Variants in GRIK1 observed in about 807,000 individuals in gnomAD.
GRIK1 encodes the protein glutamate ionotropic receptor kainate type subunit 1.
A neutral mutation model predicts 105.7 loss-of-function variants in GRIK1; 69 were observed. The observed-to-expected ratio is 0.65, with a 90% CI of 0.54 to 0.80. GRIK1 has a LOEUF of 0.80. Among genes scored for constraint, GRIK1 ranks in the 30% least tolerant of loss-of-function variants. GRIK1 has a pLI of 0.00. For missense variants in GRIK1, 1,109 were observed against 1,167.3 expected (o/e 0.95, Z 0.73); for synonymous variants, 438 against 431.3 (o/e 1.02, Z -0.19).
rs185780159 is a variant in GRIK1, at chr21:29,782,575, T to C, written c.119-88512A>G. ...TCCACAGGCTTACTCTGATTGATTC[T>C]GTGCCTGCCTGTTACAGGCAGAGAG... On this transcript the variant is annotated intron_variant, in intron 1 of 17. Coordinates refer to ENST00000327783, the MANE Select transcript of GRIK1 (RefSeq NM_001330994.2). Among the ~76,000 whole-genome samples, 213 of 152,338 alleles carry C rather than the reference T, an allele frequency of 1.4e-3. 1 individual carries two copies. Among genetic ancestry groups the C allele is most frequent in the Admixed American group, 0.013 (204 of 15,300 alleles).
chr21:29,609,478 G>C (rs974556699), intron 7 of GRIK1, among the ~76,000 whole-genome samples: 1 of 151,978 alleles, frequency 6.6e-6, no homozygotes, highest in Non-Finnish European at 1.5e-5. Flanking sequence ...CACATTAAAC[G>C]TTGTTTCTGG....
intron 1 of GRIK1, among the ~76,000 whole-genome samples, chr21:29,869,695 T>C (rs2068946093): frequency 1.3e-5 from 2 of 152,208 alleles, no homozygotes; most frequent in African/African-American, 2.4e-5. Flanking sequence ...AAAAGCAGAA[T>C]AGAGTTCTAT....
intron 15 of GRIK1, among the ~76,000 whole-genome samples, chr21:29,560,570 T>TC (rs2090449437): frequency 8.0e-6 from 1 of 124,770 alleles, no homozygotes; most frequent in African/African-American, 4.0e-5. Flanking sequence ...CTTTCTTTCT[T>TC]TCTTTCTCTC....
At chr21:29,646,881 T>C (rs1277301768) in intron 6 of GRIK1, among the ~76,000 whole-genome samples, 2 of 152,016 alleles carry the variant, frequency 1.3e-5, no homozygotes, top group Non-Finnish European at 2.9e-5. Context: ...GTCTTGCTCT[T>C]ATTGCCCAGG....
intron 6 of GRIK1, among the ~76,000 whole-genome samples, chr21:29,649,074 C>T (rs1004783965): frequency 3.3e-5 from 5 of 152,098 alleles, no homozygotes; most frequent in African/African-American, 7.2e-5. Context: ...CCTTTCGTGC[C>T]CTTCAATGCC....
intron 1 of GRIK1, among the ~76,000 whole-genome samples, chr21:29,882,327 G>A (rs2069446166): frequency 6.6e-6 from 1 of 152,020 alleles, no homozygotes; most frequent in South Asian, 2.1e-4. Context: ...CATACTTAAT[G>A]TATTTTTAAA....
intron 1 of GRIK1, among the ~76,000 whole-genome samples, chr21:29,776,931 G>T (rs1368157515): frequency 1.3e-5 from 2 of 152,122 alleles, no homozygotes; most frequent in Admixed American, 6.5e-5. Flanking sequence ...CATAAACTCT[G>T]TCTACCGAGG....
At chr21:29,908,871 T>G (rs1042568229) in intron 1 of GRIK1, among the ~76,000 whole-genome samples, 2 of 152,314 alleles carry the variant, frequency 1.3e-5, no homozygotes, top group East Asian at 1.9e-4. Flanking sequence ...GGTCTGTTCA[T>G]AAATTATTCA....
intron 1 of GRIK1, among the ~76,000 whole-genome samples, chr21:29,860,116 C>T (rs2068590007): frequency 6.6e-6 from 1 of 152,228 alleles, no homozygotes; most frequent in Non-Finnish European, 1.5e-5. Flanking sequence ...AGACTTTTAA[C>T]TTTCACTCTA....
At chr21:29,669,644 G>A (rs1210051613) in intron 4 of GRIK1, among the ~76,000 whole-genome samples, 6 of 152,166 alleles carry the variant, frequency 3.9e-5, no homozygotes, top group Admixed American at 6.5e-5. Flanking sequence ...CTGTCTGAGC[G>A]TCAGTTGCCT....
chr21:29,769,274 C>A (rs989837373), intron 1 of GRIK1, among the ~76,000 whole-genome samples: 1 of 152,072 alleles, frequency 6.6e-6, no homozygotes, highest in African/African-American at 2.4e-5. Context: ...TAATGCCATA[C>A]AACAGGAGTC....
At chr21:29,824,448 TA>T (rs896247821) in intron 1 of GRIK1, among the ~76,000 whole-genome samples, 5 of 151,808 alleles carry the variant, frequency 3.3e-5, no homozygotes, top group Non-Finnish European at 5.9e-5. Context: ...GTTAAACATA[TA>T]AAAAAAGTCA....
intron 1 of GRIK1, among the ~76,000 whole-genome samples, chr21:29,753,740 A>G (rs560812159): frequency 1.3e-5 from 2 of 152,332 alleles, no homozygotes; most frequent in African/African-American, 4.8e-5. Context: ...CTTTGATTTC[A>G]TGTACAGGTG....
At chr21:29,883,777 T>C (rs2069510957) in intron 1 of GRIK1, among the ~76,000 whole-genome samples, 1 of 152,008 alleles carries the variant, frequency 6.6e-6, no homozygotes, top group Admixed American at 6.6e-5. Flanking sequence ...TTCTTTTTTT[T>C]CTCATTGCAA....
At chr21:29,663,824 CA>C (rs1370435453) in intron 4 of GRIK1, among the ~76,000 whole-genome samples, 1 of 152,020 alleles carries the variant, frequency 6.6e-6, no homozygotes, top group African/African-American at 2.4e-5. Context: ...GGTATAAAAT[CA>C]GATGTTTTAC....
intron 16 of GRIK1, among the ~76,000 whole-genome samples, chr21:29,546,275 C>T (rs1045709250): frequency 2.0e-5 from 3 of 152,186 alleles, no homozygotes; most frequent in Admixed American, 1.3e-4. Flanking sequence ...TGGCTGTTTT[C>T]CCTGCATTCT....
chr21:29,792,340 C>A (rs1458709879), intron 1 of GRIK1, among the ~76,000 whole-genome samples: 4 of 152,118 alleles, frequency 2.6e-5, no homozygotes. Flanking sequence ...ATTATGAATT[C>A]AGTGTTAGGA....
At chr21:29,737,443 G>A (rs2064822175) in intron 1 of GRIK1, among the ~76,000 whole-genome samples, 1 of 152,230 alleles carries the variant, frequency 6.6e-6, no homozygotes, top group Non-Finnish European at 1.5e-5. Flanking sequence ...CGACTGAGGA[G>A]GCTTGAAAAG....
At chr21:29,632,521 A>G (rs1440408425) in intron 7 of GRIK1, among the ~76,000 whole-genome samples, 1 of 83,964 alleles carries the variant, frequency 1.2e-5, no homozygotes, top group Non-Finnish European at 2.9e-5. Flanking sequence ...ATACACACAC[A>G]CACACACACA....
Sources: allele counts gnomAD v4.1 joint callset (sites outside exome capture counted in the v4.1 genomes callset), GRCh38; gene constraint gnomAD v4.1.1; transcripts MANE v1.5; gene names NCBI Gene and HGNC (gene_info 2026-07-23, HGNC 2026-07-21).